The following NRK variants were observed in gnomAD, a reference collection of about 807,000 sequenced individuals.
The protein encoded by NRK is nik-related protein kinase.
In NRK, 67 loss-of-function variants were observed where a neutral mutation model predicts 125.2. That is an observed-to-expected ratio of 0.54 (90% CI 0.44 to 0.66). The LOEUF (loss-of-function observed/expected upper bound fraction) is 0.66, where lower values mean the gene tolerates loss of function less well. NRK is among the 30% of genes least tolerant of loss of function. The probability of loss-of-function intolerance (pLI) is 0.00; values close to 1 mark genes in which losing one functional copy is unlikely to be tolerated. For missense variants in NRK, 1,224 were observed against 1,192.9 expected (o/e 1.03, Z -0.38); for synonymous variants, 458 against 429.0 (o/e 1.07, Z -0.84).
intron 1 of NRK, among the ~76,000 whole-genome samples, chrX:105,826,231 TATC>T (rs1237767464): frequency 9.0e-5 from 8 of 88,746 alleles, no homozygotes; most frequent in South Asian, 9.8e-4. Flanking sequence ...GATAATATAT[TATC>T]ATATATAATA....
intron 9 of NRK, among the ~76,000 whole-genome samples, chrX:105,902,219 C>T (rs1364218318): frequency 1.8e-5 from 2 of 110,668 alleles, no homozygotes; most frequent in African/African-American, 6.6e-5. Context: ...AAATGGCAAG[C>T]TTCTTACAAA....
intron 19 of NRK, among the ~76,000 whole-genome samples, chrX:105,929,309 C>T (rs754934533): frequency 3.6e-5 from 4 of 111,369 alleles, no homozygotes; most frequent in South Asian, 7.4e-4. Flanking sequence ...TAGCTATTCA[C>T]GCTTGCTTTT....
At chrX:105,938,966 C>T (rs1484521143) in intron 22 of NRK, among the ~76,000 whole-genome samples, 1 of 111,036 alleles carries the variant, frequency 9.0e-6, no homozygotes, top group Non-Finnish European at 1.9e-5. Flanking sequence ...CTTATAAAAC[C>T]ATCAGATCAT....
At chrX:105,943,241 T>C (rs1015908757) in intron 23 of NRK, among the ~76,000 whole-genome samples, 1 of 111,807 alleles carries the variant, frequency 8.9e-6, no homozygotes, top group African/African-American at 3.3e-5. Context: ...CCAACCTTAT[T>C]GTTTTGCATA....
intron 2 of NRK, among the ~76,000 whole-genome samples, chrX:105,841,095 C>T (rs983261575): frequency 9.0e-6 from 1 of 110,970 alleles, no homozygotes; most frequent in African/African-American, 3.3e-5. Context: ...TTTAGGACTT[C>T]CAACATTCTA....
At chrX:105,874,973 C>A in intron 2 of NRK, among the ~76,000 whole-genome samples, 1 of 111,572 alleles carries the variant, frequency 9.0e-6, no homozygotes, top group East Asian at 2.9e-4. Flanking sequence ...AATGCAACCC[C>A]AGAAAACAGA....
upstream of NRK, among the ~76,000 whole-genome samples, chrX:105,821,803 C>T (rs1200183968): frequency 8.9e-6 from 1 of 111,803 alleles, no homozygotes; most frequent in East Asian, 2.8e-4. Context: ...CTCAACCCTG[C>T]GCACCTGAGA....
intron 19 of NRK, among the ~76,000 whole-genome samples, chrX:105,927,234 G>A (rs898985350): frequency 9.1e-6 from 1 of 109,734 alleles, no homozygotes; most frequent in Admixed American, 9.8e-5. Context: ...ATTTTATTTT[G>A]TAGCTACTGT....
chrX:105,876,457 G>A (rs1268585319), intron 2 of NRK, among the ~76,000 whole-genome samples: 1 of 110,386 alleles, frequency 9.1e-6, no homozygotes, highest in Admixed American at 9.7e-5. Flanking sequence ...AGTTAATGAA[G>A]CATTATTAAT....
chrX:105,918,289 A>T (rs1276174301), intron 16 of NRK, among the ~76,000 whole-genome samples: 1 of 111,648 alleles, frequency 9.0e-6, no homozygotes, highest in Non-Finnish European at 1.9e-5. Flanking sequence ...TAGGATAAAC[A>T]AAGCCAAAAG....
intron 19 of NRK, among the ~76,000 whole-genome samples, chrX:105,926,433 T>C (rs1202555461): frequency 8.9e-6 from 1 of 111,912 alleles, no homozygotes; most frequent in Admixed American, 9.5e-5. Flanking sequence ...AGTTTGCAGA[T>C]ATTTTCTCTC....
chrX:105,935,647 G>A (rs1162413697), intron 21 of NRK, among the ~76,000 whole-genome samples: 2 of 108,790 alleles, frequency 1.8e-5, no homozygotes, highest in Non-Finnish European at 3.8e-5. Flanking sequence ...AAAATTAGCT[G>A]GGTGTGGTGG....
At chrX:105,875,783 G>T (rs2039807742) in intron 2 of NRK, among the ~76,000 whole-genome samples, 2 of 110,740 alleles carry the variant, frequency 1.8e-5, no homozygotes, top group South Asian at 7.5e-4. Context: ...AGTCAAGAAT[G>T]ACTACAAAGC....
Position 105,923,208 on chromosome X carries a change from C to T in NRK, c.2701C>T (p.Arg901Trp), listed in dbSNP as rs376128030. 5.8e-6 allele frequency: 7 copies of T among 1,206,640 alleles called. No homozygotes were observed. The highest frequency in any genetic ancestry group is 1.8e-5 in the African/African-American group (1 of 56,810). Residue 901 changes from arginine to tryptophan, a missense_variant, in exon 18 of 29, where the codon CGG becomes TGG. By Grantham distance (101) the Arg-to-Trp change is moderately radical. Transcript: ENST00000243300. ...CTATAATGCACTCTCTGAAATCTTC[C>T]GGAATGATTGGTTAACTCCGGCACC... is the stretch of plus-strand genomic sequence containing the variant. ...VGYNALSEIF[R>W]NDWLTPAPVI...
chrX:105,921,326 T>G (rs1320287957), intron 16 of NRK, among the ~76,000 whole-genome samples: 12 of 90,591 alleles, frequency 1.3e-4, no homozygotes, highest in African/African-American at 5.1e-4. Context: ...CTCTGGGGAC[T>G]GTTGTGGGGT....
At chrX:105,935,473 A>AT (rs1406990660) in intron 21 of NRK, 148 bp downstream of exon 21, 830 of 389,204 alleles carry the variant, frequency 2.1e-3, no homozygotes, top group Middle Eastern at 2.9e-3. Context: ...GGTTTTGCTG[A>AT]TTTTTTTTTT....
At chrX:105,892,399 T>G (rs1472129978) in intron 5 of NRK, among the ~76,000 whole-genome samples, 6 of 112,054 alleles carry the variant, frequency 5.4e-5, no homozygotes, top group African/African-American at 1.9e-4. Flanking sequence ...TTGGCCTATA[T>G]AAATCAGAAA....
intron 18 of NRK, among the ~76,000 whole-genome samples, chrX:105,923,891 C>CTATATATA (rs1204761152): frequency 0.048 from 2,286 of 47,171 alleles, 49 homozygotes; most frequent in Non-Finnish European, 0.062. Flanking sequence ...TGTGATATCA[C>CTATATATA]TATATATATA....
Position 105,888,345 on chromosome X carries a change from T to G in NRK, c.304T>G (p.Phe102Val). The change falls in exon 5 of 29, where the codon TTC (phenylalanine) becomes GTC (valine). Residue 102 changes from phenylalanine (F) to valine (V), a missense_variant. Coordinates refer to ENST00000243300, the MANE Select transcript of NRK (RefSeq NM_198465.4). ...TELNLLRKYS[F>V]HKNIVSFYGA... ...ACTCAACCTTCTGAGGAAGTACTCT[T>G]TCCACAAAAACATTGTGTCCTTCTA... The G allele has an allele frequency of 8.4e-7, 1 of 1,197,542 alleles. No individual in the cohort carries two copies. Among genetic ancestry groups the G allele is most frequent in the Non-Finnish European group, 1.1e-6 (1 of 885,531 alleles).
Sources: gnomAD v4.1 joint callset for allele counts (sites outside exome capture counted in the v4.1 genomes callset) on GRCh38, gnomAD v4.1.1 for gene constraint, MANE v1.5 for transcripts, NCBI Gene and HGNC (gene_info 2026-07-23, HGNC 2026-07-21) for gene names.